SPEF2: variants seen among roughly 807,000 people sequenced by gnomAD.
SPEF2 encodes the protein sperm flagella and cilia-associated protein 2.
A neutral mutation model predicts 224.6 loss-of-function variants in SPEF2; 187 were observed. The observed-to-expected ratio is 0.83, with a 90% CI of 0.74 to 0.94. The LOEUF (loss-of-function observed/expected upper bound fraction) is 0.94, where lower values mean the gene tolerates loss of function less well. Among genes scored for constraint, SPEF2 ranks in the 40% least tolerant of loss-of-function variants. SPEF2 has a pLI of 0.00. For missense variants in SPEF2, 2,170 were observed against 2,135.6 expected (o/e 1.02, Z -0.32); for synonymous variants, 715 against 707.3 (o/e 1.01, Z -0.17).
intron 25 of SPEF2, among the ~76,000 whole-genome samples, chr5:35,761,177 T>C (rs1471053496): frequency 6.6e-6 from 1 of 152,154 alleles, no homozygotes; most frequent in Non-Finnish European, 1.5e-5. Context: ...ATAATGAATA[T>C]ATTTTGAAGT....
intron 15 of SPEF2, 196 bp downstream of exon 15, chr5:35,697,989 A>G (rs534623378): frequency 5.9e-5 from 25 of 420,584 alleles, no homozygotes; most frequent in African/African-American, 4.9e-4. Flanking sequence ...TCCCATACCA[A>G]GCTTGACTTC....
chr5:35,685,741 T>C (rs1251849651), intron 10 of SPEF2, among the ~76,000 whole-genome samples: 1 of 151,902 alleles, frequency 6.6e-6, no homozygotes, highest in Non-Finnish European at 1.5e-5. Context: ...ATGAAAAAAA[T>C]GTCTTTCAAA....
At chr5:35,666,617 G>A (rs1750504727) in intron 8 of SPEF2, among the ~76,000 whole-genome samples, 1 of 152,122 alleles carries the variant, frequency 6.6e-6, no homozygotes, top group African/African-American at 2.4e-5. Flanking sequence ...CAGTATTATA[G>A]AACTCTCCCA....
chr5:35,751,393 A>C (rs1461844032), intron 23 of SPEF2, among the ~76,000 whole-genome samples: 1 of 151,344 alleles, frequency 6.6e-6, no homozygotes, highest in Non-Finnish European at 1.5e-5. Flanking sequence ...TGAGTACAGC[A>C]AAATCTCACA....
At chr5:35,667,904 T>TA (rs1750727023) in intron 9 of SPEF2, among the ~76,000 whole-genome samples, 1 of 151,998 alleles carries the variant, frequency 6.6e-6, no homozygotes, top group Non-Finnish European at 1.5e-5. Context: ...AATACACAAG[T>TA]AAAAAAATTC....
intron 9 of SPEF2, among the ~76,000 whole-genome samples, chr5:35,667,749 G>A (rs1478077915): frequency 6.6e-6 from 1 of 152,050 alleles, no homozygotes; most frequent in African/African-American, 2.4e-5. Context: ...AATAGGAGAA[G>A]ATATTTCAAA....
chr5:35,646,607 GTA>G lies in SPEF2; in HGVS notation c.586-58_586-57del, dbSNP rs1241910987. On this transcript the variant is annotated intron_variant, in intron 4 of 36. Transcript: ENST00000356031. The stretch of plus-strand genomic sequence containing the variant: ...ATTTTATATATTTGTACCTATGAGT[GTA>G]TTATATTGCCTATTCTGTTATTCTG... 11 of 1,510,278 alleles carry G rather than the reference GTA, an allele frequency of 7.3e-6. No homozygotes were observed. In the Admixed American group the frequency reaches 9.9e-5, roughly 14 times the overall value. The allele number at this position is 1,510,278 out of a possible 1,614,324, so 93.6% of individuals were successfully genotyped here. A position where few individuals can be genotyped will look rare whatever the true frequency, so the allele number is the denominator to read the frequency against.
At chr5:35,758,455 TG>T in intron 24 of SPEF2, among the ~76,000 whole-genome samples, 1 of 152,204 alleles carries the variant, frequency 6.6e-6, no homozygotes, top group Non-Finnish European at 1.5e-5. Context: ...TTGTTGGCAC[TG>T]TGTGAAATCT....
chr5:35,628,882 G>A (rs1333237729), intron 2 of SPEF2, among the ~76,000 whole-genome samples: 3 of 151,836 alleles, frequency 2.0e-5, no homozygotes, highest in East Asian at 3.9e-4. Context: ...GTGCACCCCC[G>A]CTTCTGGACT....
chr5:35,788,169 GT>G (rs1226089452), intron 30 of SPEF2: 4 of 702,826 alleles, frequency 5.7e-6, no homozygotes, highest in African/African-American at 1.7e-5. Flanking sequence ...GAAGCAACAA[GT>G]AGCTCTCCAG....
At chr5:35,784,611 T>C (rs995110166) in intron 30 of SPEF2, among the ~76,000 whole-genome samples, 2 of 152,138 alleles carry the variant, frequency 1.3e-5, no homozygotes, top group Non-Finnish European at 2.9e-5. Flanking sequence ...AAACTGAACT[T>C]TCCAGGAAGA....
intron 30 of SPEF2, among the ~76,000 whole-genome samples, chr5:35,782,623 A>C (rs1754499106): frequency 6.6e-6 from 1 of 152,108 alleles, no homozygotes; most frequent in South Asian, 2.1e-4. Context: ...TTAATCTTTG[A>C]TTAGAACAAT....
At chr5:35,656,741 T>A (rs1365234210) in intron 7 of SPEF2, among the ~76,000 whole-genome samples, 1 of 152,238 alleles carries the variant, frequency 6.6e-6, no homozygotes, top group Non-Finnish European at 1.5e-5. Flanking sequence ...AAACTAGAGT[T>A]GGAGGTATAT....
At chr5:35,784,245 A>G (rs1373732967) in intron 30 of SPEF2, among the ~76,000 whole-genome samples, 2 of 151,424 alleles carry the variant, frequency 1.3e-5, no homozygotes, top group Non-Finnish European at 2.9e-5. Context: ...CTCCTGCCTC[A>G]GCCTCCGGAG....
intron 6 of SPEF2, 121 bp from the exon 7 acceptor site, chr5:35,654,419 A>T: frequency 1.4e-6 from 1 of 718,480 alleles, no homozygotes. Context: ...CAATGCTTGT[A>T]TTAATAAATT....
intron 21 of SPEF2, among the ~76,000 whole-genome samples, chr5:35,739,189 T>A (rs563387787): frequency 6.6e-6 from 1 of 152,334 alleles, no homozygotes; most frequent in South Asian, 2.1e-4. Context: ...AAGAGTCTTC[T>A]TATAATGGTA....
intron 34 of SPEF2, among the ~76,000 whole-genome samples, chr5:35,804,094 T>A (rs1757775238): frequency 6.6e-6 from 1 of 152,226 alleles, no homozygotes; most frequent in Non-Finnish European, 1.5e-5. Flanking sequence ...CAAGGAGCGT[T>A]TGAGGCCCTG....
intron 10 of SPEF2, among the ~76,000 whole-genome samples, chr5:35,687,393 C>A (rs943346092): frequency 2.6e-5 from 4 of 152,058 alleles, no homozygotes; most frequent in Non-Finnish European, 5.9e-5. Context: ...GGCAACACTC[C>A]CATTACTTTC....
Position 35,798,269 on chromosome 5 carries a change from A to G in SPEF2, c.4831-1699A>G, listed in dbSNP as rs145413786. 1.3e-4 allele frequency among the ~76,000 whole-genome samples: 20 copies of G among 152,038 alleles called. No homozygotes were observed. The East Asian group carries it at 1.9e-3, about 15-fold the overall frequency. On this transcript the variant is annotated intron_variant, in intron 33 of 36. Coordinates refer to ENST00000356031, the MANE Select transcript of SPEF2 (RefSeq NM_024867.4). ...AAAGGCCCAAATCCTTACGTGTCCA[A>G]CCAGGCCTTGTGCATTCTGATCCTG... is the stretch of plus-strand genomic sequence containing the variant.
Sources: gnomAD v4.1 joint callset for allele counts (sites outside exome capture counted in the v4.1 genomes callset) on GRCh38, gnomAD v4.1.1 for gene constraint, MANE v1.5 for transcripts, NCBI Gene and HGNC (gene_info 2026-07-23, HGNC 2026-07-21) for gene names.